Variants in FAM174B observed in about 807,000 individuals in gnomAD.
FAM174B encodes the protein membrane protein FAM174B.
FAM174B carries 12 observed loss-of-function variants against 10.9 expected under a neutral mutation model. The ratio of observed to expected loss-of-function variants is 1.10; its 90% CI spans 0.71 to 1.79. The LOEUF (loss-of-function observed/expected upper bound fraction) is 1.79, where lower values mean the gene tolerates loss of function less well. Ranked by LOEUF, FAM174B falls within the 40% of genes most tolerant of loss-of-function variation. The probability of loss-of-function intolerance (pLI) is 0.00; values close to 1 mark genes in which losing one functional copy is unlikely to be tolerated. For synonymous variants in FAM174B, 132 were observed against 115.8 expected (o/e 1.14, Z -0.90); for missense variants, 266 against 233.3 (o/e 1.14, Z -0.91).
intron 1 of FAM174B, among the ~76,000 whole-genome samples, chr15:92,644,337 C>A (rs1181297544): frequency 6.6e-6 from 1 of 152,156 alleles, no homozygotes; most frequent in African/African-American, 2.4e-5. Flanking sequence ...GCATTTTCGA[C>A]AAGCCACTGA....
At chr15:92,629,092 G>C (rs2050773529) in intron 2 of FAM174B, among the ~76,000 whole-genome samples, 1 of 152,098 alleles carries the variant, frequency 6.6e-6, no homozygotes, top group Non-Finnish European at 1.5e-5. Flanking sequence ...GGACCGCCAA[G>C]GCTGTGCTGA....
intron 1 of FAM174B, among the ~76,000 whole-genome samples, chr15:92,634,007 C>A (rs1024561846): frequency 1.3e-5 from 2 of 152,212 alleles, no homozygotes; most frequent in African/African-American, 4.8e-5. Context: ...CCGATCTACA[C>A]GCCTTTCTCA....
chr15:92,648,365 T>C (rs556920267), intron 1 of FAM174B, among the ~76,000 whole-genome samples: 2 of 152,344 alleles, frequency 1.3e-5, no homozygotes, highest in East Asian at 3.9e-4. Flanking sequence ...TGACCTCTGA[T>C]GTGTTCCATG....
intron 1 of FAM174B, among the ~76,000 whole-genome samples, chr15:92,653,781 G>C (rs1306290162): frequency 6.6e-6 from 1 of 152,272 alleles, no homozygotes; most frequent in Non-Finnish European, 1.5e-5. Context: ...AATTAGGCTA[G>C]AAGCGGGAAA....
intron 1 of FAM174B, among the ~76,000 whole-genome samples, chr15:92,649,672 G>C (rs1387713144): frequency 6.6e-6 from 1 of 152,166 alleles, no homozygotes; most frequent in Non-Finnish European, 1.5e-5. Context: ...ACAACCAGCA[G>C]GCCTTGAAGC....
intron 2 of FAM174B, among the ~76,000 whole-genome samples, chr15:92,629,852 C>T (rs771923297): frequency 6.6e-6 from 1 of 152,160 alleles, no homozygotes; most frequent in Non-Finnish European, 1.5e-5. Context: ...ATAAGTCTCA[C>T]AAGACCTGAT....
chr15:92,642,591 T>G (rs1162818878), intron 1 of FAM174B, among the ~76,000 whole-genome samples: 2 of 152,144 alleles, frequency 1.3e-5, no homozygotes, highest in Non-Finnish European at 2.9e-5. Flanking sequence ...ATAAGGGGAT[T>G]TTCCCCAATC....
rs1352119958 is a variant in FAM174B at position 92,619,226 on chromosome 15, G to C, written c.*230C>G. ...GTAGAAGTAGGGGGCACTTTAAAGGGATGCCCAAAGGGTGGCAGAAGCAAC... is the reference window on the plus strand; with the variant it reads ...GTAGAAGTAGGGGGCACTTTAAAGGCATGCCCAAAGGGTGGCAGAAGCAAC... On this transcript the variant is annotated 3_prime_UTR_variant, in exon 3 of 3. Transcript: ENST00000327355. 2 of 704,696 alleles carry C rather than the reference G, an allele frequency of 2.8e-6. No individual in the cohort carries two copies. The highest frequency in any genetic ancestry group is 1.7e-5 in the African/African-American group (1 of 57,270). The allele number at this position is 704,696 out of a possible 1,614,324, so 43.7% of individuals were successfully genotyped here.
At chr15:92,619,709 C>CT in intron 2 of FAM174B, 2 of 573,430 alleles carry the variant, frequency 3.5e-6, no homozygotes, top group South Asian at 4.7e-5. Flanking sequence ...AACACAACCT[C>CT]TTTCTCCTTA....
rs117093741 is a variant in FAM174B at position 92,619,162 on chromosome 15, T to C, written c.*294A>G. ...CTTTAAAATCAACATGTTTCTACCC[T>C]TTGCTCCTTAGCAAGGCACAAAGCC... On this transcript the variant is annotated 3_prime_UTR_variant, in exon 3 of 3. Coordinates refer to ENST00000327355, the MANE Select transcript of FAM174B (RefSeq NM_207446.3). 35 of 700,406 alleles carry C rather than the reference T, an allele frequency of 5.0e-5. No homozygotes were observed. In the East Asian group the frequency reaches 9.1e-4, roughly 18 times the overall value. 43.4% of individuals were successfully genotyped at this position (700,406 alleles called of 1,614,324 possible).
intron 1 of FAM174B, among the ~76,000 whole-genome samples, chr15:92,645,997 C>G (rs2050924542): frequency 6.6e-6 from 1 of 152,126 alleles, no homozygotes; most frequent in African/African-American, 2.4e-5. Flanking sequence ...CTATCCCTTT[C>G]CCTGCCTGGT....
In FAM174B at chr15:92,617,606, T is replaced by C; in HGVS notation, c.*1850A>G. The C allele has an allele frequency of 1.6e-6, 1 of 644,204 alleles. No individual in the cohort carries two copies. The highest frequency in any genetic ancestry group is 2.7e-5 in the Admixed American group (1 of 36,798). The allele number at this position is 644,204 out of a possible 1,614,324, so 39.9% of individuals were successfully genotyped here. A position where few individuals can be genotyped will look rare whatever the true frequency, so the allele number is the denominator to read the frequency against. ...TCTGCGTAAGGCAGAGGAATCCAGC[T>C]TTTCCATGAGATTCAGCTGCAGTTG... On this transcript the variant is annotated 3_prime_UTR_variant, in exon 3 of 3. Transcript: ENST00000327355.
Position 92,631,276 on chromosome 15 carries a change from TATATAATATATTA to T in FAM174B, c.345-944_345-932del, listed in dbSNP as rs1567045219. On this transcript the variant is annotated intron_variant, in intron 1 of 2. Transcript: ENST00000327355. ...ATATAATATATTATATATTATATTA[TATATAATATATTA>T]TATATTATATATAATATATTATATA... Among the ~76,000 whole-genome samples, 17 of 11,298 alleles carry T rather than the reference TATATAATATATTA, an allele frequency of 1.5e-3. 5 individuals are homozygous for T. Among genetic ancestry groups the T allele is most frequent in the African/African-American group, 6.0e-3 (17 of 2,842 alleles). 7.4% of individuals were successfully genotyped at this position (11,298 alleles called of 152,430 possible). A position where few individuals can be genotyped will look rare whatever the true frequency, so the allele number is the denominator to read the frequency against.
In FAM174B at chr15:92,648,810, G is replaced by A. The variant is rs150292920; in HGVS notation, c.344+6506C>T. Among the ~76,000 whole-genome samples, 627 of 152,230 alleles carry A rather than the reference G, an allele frequency of 4.1e-3. 1 individual carries two copies. Among genetic ancestry groups the A allele is most frequent in the Middle Eastern group, 0.017 (5 of 294 alleles). On this transcript the variant is annotated intron_variant, in intron 1 of 2. Transcript: ENST00000327355. The stretch of plus-strand genomic sequence containing the variant: ...CGTGAGAAAGGGTTTCCTCCTCCCC[G>A]CACCCTCAGGAAAATAAATAGCAAA...
rs1310919607 is a variant in FAM174B, at chr15:92,618,519, C to A, written c.*937G>T. The A allele has an allele frequency of 1.3e-5, 2 of 151,304 alleles. No individual in the cohort carries two copies. The highest frequency in any genetic ancestry group is 4.9e-5 in the African/African-American group (2 of 40,998). The allele number at this position is 151,304 out of a possible 1,614,324, so 9.4% of individuals were successfully genotyped here. On this transcript the variant is annotated 3_prime_UTR_variant, in exon 3 of 3. Coordinates refer to ENST00000327355, the MANE Select transcript of FAM174B (RefSeq NM_207446.3). ...TCTAGACTGACTTCAAATATAGTCCCCTGACAGTGTGATTTTTTCCAGCCA... is the reference window on the plus strand; with the variant it reads ...TCTAGACTGACTTCAAATATAGTCCACTGACAGTGTGATTTTTTCCAGCCA...
At position 92,619,044 on chromosome 15, in the gene FAM174B, T is replaced by TCATTAAAAAA; in HGVS notation, c.*411_*412insTTTTTTAATG. 2.4e-6 allele frequency: 1 copy of TCATTAAAAAA among 424,834 alleles called. No homozygotes were observed. The highest frequency in any genetic ancestry group is 6.3e-5 in the South Asian group (1 of 15,828). 26.3% of individuals were successfully genotyped at this position (424,834 alleles called of 1,614,324 possible). A position where few individuals can be genotyped will look rare whatever the true frequency, so the allele number is the denominator to read the frequency against. The stretch of plus-strand genomic sequence containing the variant: ...CAGTAGAGAAGAATGTCGGAAATTC[T>TCATTAAAAAA]AAATACACAGTTGGACATCCTTCAG... On this transcript the variant is annotated 3_prime_UTR_variant, in exon 3 of 3. Coordinates refer to ENST00000327355, the MANE Select transcript of FAM174B (RefSeq NM_207446.3).
intron 2 of FAM174B, among the ~76,000 whole-genome samples, chr15:92,624,146 A>G (rs1213923373): frequency 6.6e-6 from 1 of 152,184 alleles, no homozygotes. Flanking sequence ...TGAGATGCCC[A>G]TTTTTAACAC....
chr15:92,622,690 C>G (rs2050727424), intron 2 of FAM174B, among the ~76,000 whole-genome samples: 1 of 152,258 alleles, frequency 6.6e-6, no homozygotes, highest in African/African-American at 2.4e-5. Context: ...CCTGCTGTTA[C>G]TTCTCCCTGG....
chr15:92,632,458 A>G (rs1029460796), intron 1 of FAM174B, among the ~76,000 whole-genome samples: 3 of 152,218 alleles, frequency 2.0e-5, no homozygotes, highest in African/African-American at 4.8e-5. Context: ...CAGAGGTTGC[A>G]GTGAGCTGAG....
Sources: allele counts gnomAD v4.1 joint callset (sites outside exome capture counted in the v4.1 genomes callset), GRCh38; gene constraint gnomAD v4.1.1; transcripts MANE v1.5; gene names NCBI Gene and HGNC (gene_info 2026-07-23, HGNC 2026-07-21).